Variants in OR9Q1 observed in about 807,000 individuals in gnomAD.
OR9Q1 encodes the protein olfactory receptor family 9 subfamily Q member 1.
For synonymous variants in OR9Q1, 153 were observed against 148.6 expected (o/e 1.03, Z -0.22); for missense variants, 374 against 378.8 (o/e 0.99, Z 0.11).
chr11:58,031,271 A>G (rs755608566), intron 1 of OR9Q1: 1 of 1,614,022 alleles, frequency 6.2e-7, no homozygotes, highest in Non-Finnish European at 8.5e-7. Flanking sequence ...CCAGCTCTTC[A>G]TCTTCACCTT....
rs746905596 is a variant in OR9Q1, at chr11:58,180,010, G to T, written c.566G>T (p.Cys189Phe). Residue 189 changes from cysteine (C) to phenylalanine (F), a missense_variant, in exon 3 of 3, where the codon TGT (cysteine) becomes TTT (phenylalanine). Cys to Phe is a radical substitution (Grantham distance 205, BLOSUM62 -2). Transcript: ENST00000335397. ...CTCCCTCCTCTGTTAAAGTTGACCT[G>T]TGGGGAGAGCTACACTCAAGAAGTG... ...CDLPPLLKLT[C>F]GESYTQEVLI... The T allele has an allele frequency of 1.9e-6, 3 of 1,614,066 alleles. No individual in the cohort carries two copies. Among genetic ancestry groups the T allele is most frequent in the Non-Finnish European group, 2.5e-6 (3 of 1,179,982 alleles).
intron 2 of OR9Q1, among the ~76,000 whole-genome samples, chr11:58,113,650 G>C (rs1853923530): frequency 1.3e-5 from 2 of 152,214 alleles, no homozygotes; most frequent in Admixed American, 1.3e-4. Context: ...GTTGTATAGG[G>C]GGGTAATAAT....
intron 2 of OR9Q1, among the ~76,000 whole-genome samples, chr11:58,081,486 C>T (rs1332700863): frequency 7.2e-5 from 11 of 152,102 alleles, no homozygotes; most frequent in Non-Finnish European, 1.5e-4. Context: ...TCTGTTGTTC[C>T]TTGAGTTTTT....
chr11:58,122,064 C>T (rs998235414), intron 2 of OR9Q1, among the ~76,000 whole-genome samples: 3 of 152,188 alleles, frequency 2.0e-5, no homozygotes, highest in African/African-American at 4.8e-5. Flanking sequence ...TCCACTGGGA[C>T]CTGCCAGGAA....
chr11:58,027,591 C>G (rs544151475), intron 1 of OR9Q1, among the ~76,000 whole-genome samples: 2 of 152,192 alleles, frequency 1.3e-5, no homozygotes, highest in East Asian at 3.9e-4. Flanking sequence ...ATCCCTGCTC[C>G]AGGAAGAAGT....
At chr11:58,104,866 G>A (rs1408128095) in intron 2 of OR9Q1, among the ~76,000 whole-genome samples, 1 of 152,162 alleles carries the variant, frequency 6.6e-6, no homozygotes, top group Non-Finnish European at 1.5e-5. Context: ...GCTACATGAA[G>A]CAGATCCCCC....
At chr11:58,084,106 C>T (rs569988667) in intron 2 of OR9Q1, among the ~76,000 whole-genome samples, 3 of 151,772 alleles carry the variant, frequency 2.0e-5, no homozygotes, top group Admixed American at 2.0e-4. Flanking sequence ...AATGTTTTTC[C>T]ATTTATTTGT....
chr11:58,032,242 A>C (rs1416843598), intron 1 of OR9Q1, among the ~76,000 whole-genome samples: 1 of 152,240 alleles, frequency 6.6e-6, no homozygotes, highest in Non-Finnish European at 1.5e-5. Flanking sequence ...TTTTTCACAG[A>C]ATTAGAAAAA....
chr11:58,048,669 T>TAAAA (rs369007273), intron 1 of OR9Q1, among the ~76,000 whole-genome samples: 1 of 104,012 alleles, frequency 9.6e-6, no homozygotes, highest in African/African-American at 3.1e-5. Context: ...GACTCCATCT[T>TAAAA]AAAAAAAAAA....
At chr11:58,153,491 G>T (rs542106617) in intron 2 of OR9Q1, among the ~76,000 whole-genome samples, 2 of 152,102 alleles carry the variant, frequency 1.3e-5, no homozygotes, top group Admixed American at 6.5e-5. Flanking sequence ...GGAAGGGTGG[G>T]TCATGCTCTA....
rs151231793 is a variant in OR9Q1, at chr11:58,031,215, T to C, written c.-93+7111T>C. 1.4e-3 allele frequency: 2,233 copies of C among 1,614,198 alleles called. 17 individuals are homozygous for C. In the African/African-American group the frequency reaches 0.023, roughly 16 times the overall value. On this transcript the variant is annotated intron_variant, in intron 1 of 2. Coordinates refer to ENST00000335397, the MANE Select transcript of OR9Q1 (RefSeq NM_001005212.4). ...GTGCCCAAGATGCTGGCTGGTTTTA[T>C]TGGGGTGGATGGTGGCAAGAATATC...
intron 2 of OR9Q1, among the ~76,000 whole-genome samples, chr11:58,112,531 G>T (rs896851079): frequency 6.6e-6 from 1 of 152,040 alleles, no homozygotes; most frequent in African/African-American, 2.4e-5. Flanking sequence ...GACATGTCCC[G>T]TTGGACTTGC....
intron 2 of OR9Q1, among the ~76,000 whole-genome samples, chr11:58,129,135 C>A (rs1246355390): frequency 6.6e-6 from 1 of 152,036 alleles, no homozygotes; most frequent in Non-Finnish European, 1.5e-5. Context: ...TCTCAGGAAC[C>A]CAGGTGGATC....
chr11:58,028,335 G>C (rs1157702245), intron 1 of OR9Q1, among the ~76,000 whole-genome samples: 14 of 152,202 alleles, frequency 9.2e-5, no homozygotes, highest in Admixed American at 8.5e-4. Flanking sequence ...TAAGGAAAAA[G>C]CCTTCCTAGT....
At chr11:58,158,628 G>A (rs1044546439) in intron 2 of OR9Q1, among the ~76,000 whole-genome samples, 9 of 152,104 alleles carry the variant, frequency 5.9e-5, no homozygotes, top group Admixed American at 1.3e-4. Flanking sequence ...GGAAAGAAAT[G>A]GGAACCTTAT....
At chr11:58,118,418 G>A in intron 2 of OR9Q1, 1 of 879,102 alleles carries the variant, frequency 1.1e-6, no homozygotes, top group Admixed American at 2.3e-5. Context: ...GTGGGTATAG[G>A]TTGCATATAG....
chr11:58,046,323 G>A (rs757869562), intron 1 of OR9Q1, among the ~76,000 whole-genome samples: 1 of 152,176 alleles, frequency 6.6e-6, no homozygotes, highest in Non-Finnish European at 1.5e-5. Flanking sequence ...TGATAGTCAT[G>A]GGAATAAAAA....
Position 58,179,595 on chromosome 11 carries a change from A to G in OR9Q1, c.151A>G (p.Met51Val), listed in dbSNP as rs1376973029. Residue 51 changes from methionine (M) to valine (V), a missense_variant, in exon 3 of 3, where the codon ATG becomes GTG. Physicochemically the swap from Met to Val is conservative, Grantham distance 21. Coordinates refer to ENST00000335397, the MANE Select transcript of OR9Q1 (RefSeq NM_001005212.4). ...CTTAGAGATGATTATTCTGATCCTC[A>G]TGGATCACCAGCTCCACGCTCCAAT... ...GNLEMIILIL[M>V]DHQLHAPMYF... 6.2e-7 allele frequency: 1 copy of G among 1,613,520 alleles called. No individual in the cohort carries two copies. The highest frequency in any genetic ancestry group is 1.7e-5 in the Admixed American group (1 of 59,988).
chr11:58,138,596 A>G (rs1005278806), intron 2 of OR9Q1, among the ~76,000 whole-genome samples: 3 of 152,224 alleles, frequency 2.0e-5, no homozygotes, highest in Non-Finnish European at 4.4e-5. Context: ...TTTTCTTCTC[A>G]TAGCACAGCT....
Sources: allele counts gnomAD v4.1 joint callset (sites outside exome capture counted in the v4.1 genomes callset), GRCh38; gene constraint gnomAD v4.1.1; transcripts MANE v1.5; gene names NCBI Gene and HGNC (gene_info 2026-07-23, HGNC 2026-07-21).